The following EDAR variants were observed in gnomAD, a reference collection of about 807,000 sequenced individuals.
The protein encoded by EDAR is tumor necrosis factor receptor superfamily member EDAR.
Under a neutral mutation model 51.3 loss-of-function variants are expected in EDAR, and 38 were observed. The ratio of observed to expected loss-of-function variants is 0.74; its 90% CI spans 0.57 to 0.97. The LOEUF is 0.97. Ranked by LOEUF, EDAR falls within the 50% of genes least tolerant of loss-of-function variation. The pLI, the probability that EDAR is intolerant of heterozygous loss-of-function variation, is 0.00. For synonymous variants in EDAR, 227 were observed against 242.1 expected (o/e 0.94, Z 0.58); for missense variants, 528 against 595.0 (o/e 0.89, Z 1.17).
At chr2:108,954,596 T>C (rs1558830141) in intron 1 of EDAR, among the ~76,000 whole-genome samples, 1 of 152,204 alleles carries the variant, frequency 6.6e-6, no homozygotes, top group Non-Finnish European at 1.5e-5. Flanking sequence ...GTATGGTCCC[T>C]GAATTCTGTG....
In EDAR at chr2:108,930,194, T is replaced by C; in HGVS notation, c.100A>G (p.Asn34Asp). The C allele has an allele frequency of 6.2e-7, 1 of 1,614,076 alleles. No individual in the cohort carries two copies. Among genetic ancestry groups the C allele is most frequent in the Admixed American group, 1.7e-5 (1 of 60,030 alleles). The change falls in exon 3 of 12, where the codon AAC (asparagine) becomes GAC (aspartate). Residue 34 changes from asparagine (N) to aspartate (D), a missense_variant. Asn to Asp is a conservative substitution (Grantham distance 23). Transcript: ENST00000258443. ...CCCGTAGTCTGGTTGTAGTACTCGT[T>C]CTCACCGCAGTTTGAGTATTCCGCT... is the stretch of plus-strand genomic sequence containing the variant. ...ARAEYSNCGE[N>D]EYYNQTTGLC... is the part of the protein sequence containing the mutation.
chr2:108,979,467 T>TCACACACA (rs5833308), intron 1 of EDAR, among the ~76,000 whole-genome samples: 14 of 147,222 alleles, frequency 9.5e-5, no homozygotes, highest in East Asian at 6.1e-4. Context: ...TCTCTCTCTC[T>TCACACACA]CACACACACA....
At chr2:108,914,459 A>G (rs1334723936) in intron 5 of EDAR, among the ~76,000 whole-genome samples, 2 of 152,144 alleles carry the variant, frequency 1.3e-5, no homozygotes, top group Non-Finnish European at 2.9e-5. Flanking sequence ...GCCTTCCCTT[A>G]AAGCTATGCT....
intron 1 of EDAR, among the ~76,000 whole-genome samples, chr2:108,968,189 G>C (rs888877515): frequency 6.6e-6 from 1 of 152,054 alleles, no homozygotes; most frequent in South Asian, 2.1e-4. Flanking sequence ...TCTCAAAGTG[G>C]GGTCCACATA....
At chr2:108,969,743 CA>C (rs1209675010) in intron 1 of EDAR, among the ~76,000 whole-genome samples, 1 of 152,152 alleles carries the variant, frequency 6.6e-6, no homozygotes, top group East Asian at 1.9e-4. Context: ...GTGTGAGCTG[CA>C]GTCCCAGGGG....
chr2:108,941,989 T>C (rs1357985730), intron 1 of EDAR, among the ~76,000 whole-genome samples: 2 of 152,216 alleles, frequency 1.3e-5, no homozygotes, highest in Non-Finnish European at 2.9e-5. Flanking sequence ...GGAAGGTGGC[T>C]GCCTTTCAGG....
rs1360117836 is a variant in EDAR at position 108,895,831 on chromosome 2, A to C, written c.*1076T>G. On this transcript the variant is annotated 3_prime_UTR_variant, in exon 12 of 12. Coordinates refer to ENST00000258443, the MANE Select transcript of EDAR (RefSeq NM_022336.4). Reference sequence around the variant, plus strand: ...GAACTCCACTTTCCCTGACTGGCTCAGAAGGCTGAGTCTGAAACTCTCATG... The same window carrying C: ...GAACTCCACTTTCCCTGACTGGCTCCGAAGGCTGAGTCTGAAACTCTCATG... The C allele has an allele frequency of 6.6e-6, 1 of 152,282 alleles. No individual in the cohort carries two copies. The highest frequency in any genetic ancestry group is 2.4e-5 in the African/African-American group (1 of 41,472). The allele number at this position is 152,282 out of a possible 1,614,324, so 9.4% of individuals were successfully genotyped here.
At position 108,946,369 on chromosome 2, in the gene EDAR, T is replaced by G. The variant is rs527669037; in HGVS notation, c.-18-15337A>C. 2.6e-5 allele frequency among the ~76,000 whole-genome samples: 4 copies of G among 152,314 alleles called. No homozygotes were observed. The East Asian group carries it at 5.8e-4, about 22-fold the overall frequency. On this transcript the variant is annotated intron_variant, in intron 1 of 11. Coordinates refer to ENST00000258443, the MANE Select transcript of EDAR (RefSeq NM_022336.4). ...CCCTGTGCCTGCACACCATGGGGCT[T>G]GGTAAAGACTTGCAGAGCTGAATTA...
chr2:108,906,855 C>T (rs1288461004), intron 10 of EDAR, among the ~76,000 whole-genome samples: 1 of 152,212 alleles, frequency 6.6e-6, no homozygotes, highest in African/African-American at 2.4e-5. Context: ...AGGGTCTCTG[C>T]AAGTGGCAGC....
intron 1 of EDAR, among the ~76,000 whole-genome samples, chr2:108,953,157 GTC>G (rs2104374701): frequency 6.6e-6 from 1 of 152,324 alleles, no homozygotes; most frequent in South Asian, 2.1e-4. Context: ...TGCTCTTGGA[GTC>G]TCTATTGAAA....
chr2:108,914,515 A>G (rs939450197), intron 5 of EDAR, among the ~76,000 whole-genome samples: 7 of 152,144 alleles, frequency 4.6e-5, no homozygotes, highest in Admixed American at 4.6e-4. Context: ...TAGCGGGGAT[A>G]AAATGGAAGC....
At chr2:108,908,048 C>T in intron 9 of EDAR, 29 bp from the exon 10 acceptor site, 1 of 1,590,786 alleles carries the variant, frequency 6.3e-7, no homozygotes, top group Non-Finnish European at 8.6e-7. Context: ...TGGTCATTAG[C>T]AGTGCCTGGG....
At chr2:108,911,378 T>C (rs1238904501) in intron 6 of EDAR, among the ~76,000 whole-genome samples, 2 of 152,074 alleles carry the variant, frequency 1.3e-5, no homozygotes, top group Non-Finnish European at 2.9e-5. Flanking sequence ...AGGGCAGGGT[T>C]TGGTGTGGAG....
At chr2:108,912,149 A>G (rs1171493339) in intron 6 of EDAR, among the ~76,000 whole-genome samples, 3 of 152,180 alleles carry the variant, frequency 2.0e-5, no homozygotes, top group African/African-American at 4.8e-5. Flanking sequence ...ACATGCTTCA[A>G]TAATGGGCTG....
chr2:108,961,635 G>T (rs776443740), intron 1 of EDAR, among the ~76,000 whole-genome samples: 1 of 152,310 alleles, frequency 6.6e-6, no homozygotes, highest in Admixed American at 6.5e-5. Flanking sequence ...TTATTGTTAC[G>T]TTTTCTTTTC....
Position 108,894,918 on chromosome 2 carries a change from C to G in EDAR, c.*1989G>C, listed in dbSNP as rs1248368029. On this transcript the variant is annotated 3_prime_UTR_variant, in exon 12 of 12. Coordinates refer to ENST00000258443, the MANE Select transcript of EDAR (RefSeq NM_022336.4). ...CCAGGAGCAGAGAACAGCCACCCCA[C>G]TCTTTCGCTGAAAACATTCTGAGGA... The G allele has an allele frequency of 3.9e-5, 6 of 152,216 alleles. No homozygotes were observed. Among genetic ancestry groups the G allele is most frequent in the Admixed American group, 1.3e-4 (2 of 15,270 alleles). The allele number at this position is 152,216 out of a possible 1,614,324, so 9.4% of individuals were successfully genotyped here.
chr2:108,935,244 A>G (rs184528328), intron 1 of EDAR, among the ~76,000 whole-genome samples: 1 of 152,230 alleles, frequency 6.6e-6, no homozygotes, highest in East Asian at 1.9e-4. Context: ...AGCTGTAATC[A>G]CATCAGCTTA....
chr2:108,898,213 C>A (rs1696635991), intron 11 of EDAR, among the ~76,000 whole-genome samples: 1 of 152,136 alleles, frequency 6.6e-6, no homozygotes, highest in Non-Finnish European at 1.5e-5. Flanking sequence ...CCACCCTCAC[C>A]AGGCTGTAAC....
chr2:108,912,685 G>A lies in EDAR; in HGVS notation c.522C>T (p.Ala174=). ...GSSTLSPFQH[A]HKELSGQGHL... ...CCTGAGCACCCTCCTCACCTTTGTG[G>A]GCGTGCTGGAAGGGAGACAGGGTGC... is the stretch of plus-strand genomic sequence containing the variant. The change falls in exon 6 of 12, where the codon GCC becomes GCT. Residue 174 remains alanine (A), a synonymous_variant. Transcript: ENST00000258443. 1 of 1,592,868 alleles carries A rather than the reference G, an allele frequency of 6.3e-7. No homozygotes were observed. The highest frequency in any genetic ancestry group is 1.2e-5 in the South Asian group (1 of 86,906).
Sources: gnomAD v4.1 joint callset for allele counts (sites outside exome capture counted in the v4.1 genomes callset) on GRCh38, gnomAD v4.1.1 for gene constraint, MANE v1.5 for transcripts, NCBI Gene and HGNC (gene_info 2026-07-23, HGNC 2026-07-21) for gene names.